Variants in UBE2E2 observed in about 807,000 individuals in gnomAD.
UBE2E2 encodes the protein ubiquitin-conjugating enzyme E2 E2.
Under a neutral mutation model 24.7 loss-of-function variants are expected in UBE2E2, and 6 were observed. That is an observed-to-expected ratio of 0.24 (90% confidence interval 0.13 to 0.48). UBE2E2 has a LOEUF of 0.48. UBE2E2 is among the 20% of genes least tolerant of loss of function. The probability of loss-of-function intolerance (pLI) is 0.99; values close to 1 mark genes in which losing one functional copy is unlikely to be tolerated. For synonymous variants in UBE2E2, 104 were observed against 83.6 expected (o/e 1.24, Z -1.33); for missense variants, 169 against 245.0 (o/e 0.69, Z 2.07).
At chr3:23,292,712 G>C (rs1162823520) in intron 3 of UBE2E2, among the ~76,000 whole-genome samples, 1 of 152,210 alleles carries the variant, frequency 6.6e-6, no homozygotes, top group African/African-American at 2.4e-5. Flanking sequence ...CTTAATGCCT[G>C]TGTGGCCATT....
intron 5 of UBE2E2, among the ~76,000 whole-genome samples, chr3:23,550,757 T>C (rs955540742): frequency 3.9e-5 from 6 of 152,110 alleles, no homozygotes; most frequent in Non-Finnish European, 5.9e-5. Flanking sequence ...CAGGATACTG[T>C]ACAAGGAGAA....
chr3:23,318,682 C>T (rs532128910), intron 3 of UBE2E2, among the ~76,000 whole-genome samples: 2 of 152,082 alleles, frequency 1.3e-5, no homozygotes, highest in South Asian at 4.2e-4. Context: ...CTTTTACTTA[C>T]CACTTATTCA....
intron 5 of UBE2E2, among the ~76,000 whole-genome samples, chr3:23,572,542 C>G (rs1203173157): frequency 1.3e-5 from 2 of 152,178 alleles, no homozygotes; most frequent in Non-Finnish European, 2.9e-5. Flanking sequence ...CCGACTCTCA[C>G]TCTCCTTTTG....
At chr3:23,273,540 A>T (rs960895333) in intron 3 of UBE2E2, among the ~76,000 whole-genome samples, 1 of 151,918 alleles carries the variant, frequency 6.6e-6, no homozygotes, top group Non-Finnish European at 1.5e-5. Flanking sequence ...CAAAAAAAAA[A>T]AAAAGAGAGA....
chr3:23,479,059 T>C (rs1204174679), intron 3 of UBE2E2, among the ~76,000 whole-genome samples: 4 of 152,122 alleles, frequency 2.6e-5, no homozygotes, highest in Non-Finnish European at 4.4e-5. Context: ...CTTCAGGTGT[T>C]GCTTTTCTAG....
At chr3:23,357,168 C>G (rs543172690) in intron 3 of UBE2E2, among the ~76,000 whole-genome samples, 5 of 152,152 alleles carry the variant, frequency 3.3e-5, no homozygotes, top group Non-Finnish European at 5.9e-5. Context: ...TTGCATGGGC[C>G]GGAAGGAATG....
intron 3 of UBE2E2, among the ~76,000 whole-genome samples, chr3:23,243,394 A>G (rs571881551): frequency 3.9e-5 from 6 of 152,310 alleles, no homozygotes; most frequent in Non-Finnish European, 7.4e-5. Context: ...AATACATTCA[A>G]TCTCTGAGCC....
chr3:23,301,592 C>T (rs1699093824), intron 3 of UBE2E2, among the ~76,000 whole-genome samples: 2 of 152,204 alleles, frequency 1.3e-5, no homozygotes, highest in South Asian at 2.1e-4. Flanking sequence ...GGCTGCAGAA[C>T]AGTGCATATT....
At chr3:23,287,494 A>G (rs922273556) in intron 3 of UBE2E2, among the ~76,000 whole-genome samples, 2 of 152,104 alleles carry the variant, frequency 1.3e-5, no homozygotes, top group African/African-American at 4.8e-5. Context: ...TTTGAGTAGG[A>G]TTGATAGTAA....
chr3:23,582,985 C>T (rs1361660457), intron 5 of UBE2E2, among the ~76,000 whole-genome samples: 1 of 151,612 alleles, frequency 6.6e-6, no homozygotes. Context: ...TTGGAGTCTT[C>T]ATCATGGAAT....
intron 3 of UBE2E2, among the ~76,000 whole-genome samples, chr3:23,288,040 T>A (rs1698666026): frequency 6.6e-6 from 1 of 152,030 alleles, no homozygotes; most frequent in Admixed American, 6.5e-5. Flanking sequence ...GAAGTTTTTC[T>A]TTTTTGATGC....
At chr3:23,416,535 T>C (rs536877503) in intron 3 of UBE2E2, among the ~76,000 whole-genome samples, 9 of 152,266 alleles carry the variant, frequency 5.9e-5, no homozygotes, top group Admixed American at 5.2e-4. Flanking sequence ...TATCTTGGGG[T>C]TGCTCTTCTT....
At chr3:23,472,320 G>C (rs1008768748) in intron 3 of UBE2E2, among the ~76,000 whole-genome samples, 1 of 152,152 alleles carries the variant, frequency 6.6e-6, no homozygotes, top group Admixed American at 6.5e-5. Context: ...ATGAGTTTCA[G>C]ACAACCAAAA....
At chr3:23,576,595 G>C (rs550457752) in intron 5 of UBE2E2, among the ~76,000 whole-genome samples, 39 of 152,306 alleles carry the variant, frequency 2.6e-4, no homozygotes, top group African/African-American at 8.7e-4. Context: ...AGGAACACCT[G>C]CCTTGTGGAG....
chr3:23,357,316 C>A (rs1306957528), intron 3 of UBE2E2, among the ~76,000 whole-genome samples: 1 of 151,840 alleles, frequency 6.6e-6, no homozygotes, highest in Admixed American at 6.6e-5. Context: ...TTTAATCTAC[C>A]CATTGTCTAA....
chr3:23,458,390 G>A (rs1420513182), intron 3 of UBE2E2, among the ~76,000 whole-genome samples: 1 of 143,732 alleles, frequency 7.0e-6, no homozygotes, highest in Non-Finnish European at 1.5e-5. Context: ...CAGAGAGATC[G>A]CTGGTGGTGG....
intron 5 of UBE2E2, among the ~76,000 whole-genome samples, chr3:23,584,434 T>C (rs1051342399): frequency 2.6e-5 from 4 of 152,132 alleles, no homozygotes; most frequent in African/African-American, 9.7e-5. Flanking sequence ...GGGTACCCAG[T>C]GTAGCTCCAT....
chr3:23,351,355 C>A (rs1219885433), intron 3 of UBE2E2, among the ~76,000 whole-genome samples: 1 of 152,132 alleles, frequency 6.6e-6, no homozygotes, highest in Non-Finnish European at 1.5e-5. Context: ...CAGCTAACAT[C>A]ATAATGACGG....
rs991669697 is a variant in UBE2E2 at position 23,459,506 on chromosome 3, G to A, written c.228-40102G>A. 7.2e-5 allele frequency among the ~76,000 whole-genome samples: 11 copies of A among 152,258 alleles called. No homozygotes were observed. In the Middle Eastern group the frequency reaches 0.01, roughly 141 times the overall value. ...AAGTGAGTAGTAACAGGACCATAAT[G>A]TTTTTACAAATCCAGACACCTTTAT... On this transcript the variant is annotated intron_variant, in intron 3 of 5. Transcript: ENST00000396703.
Sources: allele counts gnomAD v4.1 joint callset (sites outside exome capture counted in the v4.1 genomes callset), GRCh38; gene constraint gnomAD v4.1.1; transcripts MANE v1.5; gene names NCBI Gene and HGNC (gene_info 2026-07-23, HGNC 2026-07-21).